Variants in SEPTIN2 observed in about 807,000 individuals in gnomAD.
The protein encoded by SEPTIN2 is septin 2.
Under a neutral mutation model 46.5 loss-of-function variants are expected in SEPTIN2, and 34 were observed. The observed-to-expected ratio is 0.73, with a 90% CI of 0.56 to 0.97. The LOEUF is 0.97. Among genes scored for constraint, SEPTIN2 ranks in the 50% least tolerant of loss-of-function variants. The pLI is 0.00. For missense variants in SEPTIN2, 347 were observed against 448.4 expected, an observed-to-expected ratio of 0.77 and a Z score of 2.04; for synonymous variants, 175 against 153.4, an observed-to-expected ratio of 1.14 and a Z score of -1.04.
chr2:241,323,960 G>T (rs1458201777), intron 1 of SEPTIN2, among the ~76,000 whole-genome samples: 1 of 152,192 alleles, frequency 6.6e-6, no homozygotes, highest in Non-Finnish European at 1.5e-5. Context: ...AGAATAGGGG[G>T]TCTGGTTAAT....
At chr2:241,340,261 G>A (rs1213800406) in intron 7 of SEPTIN2, among the ~76,000 whole-genome samples, 1 of 152,204 alleles carries the variant, frequency 6.6e-6, no homozygotes, top group African/African-American at 2.4e-5. Context: ...ATCTGTGCTG[G>A]TGTTGATGCC....
intron 4 of SEPTIN2, 69 bp from the exon 5 acceptor site, chr2:241,335,906 G>T: frequency 6.2e-7 from 1 of 1,608,020 alleles, no homozygotes; most frequent in Non-Finnish European, 8.5e-7. Flanking sequence ...GAAGTCACCT[G>T]TCGTAAGAAC....
chr2:241,324,258 TG>T lies in SEPTIN2; in HGVS notation c.9+18del. On this transcript the variant is annotated intron_variant, in intron 2 of 12. Transcript: ENST00000391971. ...ATGTCTAAGGTAAGATCATACTTCA[TG>T]TATCTACAGCATAAGGAGAAATTGC... 6.2e-7 allele frequency: 1 copy of T among 1,605,156 alleles called. No individual in the cohort carries two copies.
intron 3 of SEPTIN2, among the ~76,000 whole-genome samples, chr2:241,329,575 C>G (rs906488502): frequency 9.2e-5 from 14 of 152,160 alleles, no homozygotes; most frequent in African/African-American, 3.4e-4. Context: ...AACATAAATT[C>G]AGTTTCCTCA....
At chr2:241,332,092 A>G (rs1306352190) in intron 3 of SEPTIN2, among the ~76,000 whole-genome samples, 1 of 152,254 alleles carries the variant, frequency 6.6e-6, no homozygotes, top group East Asian at 1.9e-4. Context: ...TTAAATGTAA[A>G]GCTATAAAAA....
In SEPTIN2 at chr2:241,325,963, T is replaced by C. The variant is rs367720265; in HGVS notation, c.10-30T>C. The C allele has an allele frequency of 1.1e-5, 17 of 1,595,110 alleles. No homozygotes were observed. The East Asian group carries it at 3.6e-4, about 34-fold the overall frequency. ...TTAAAAGCAACTACTAAGGTGTTTA[T>C]TAGTTTGTTTGTTTTTTAATCTTAT... On this transcript the variant is annotated intron_variant, in intron 2 of 12. Coordinates refer to ENST00000391971, the MANE Select transcript of SEPTIN2 (RefSeq NM_004404.5).
intron 3 of SEPTIN2, among the ~76,000 whole-genome samples, chr2:241,334,527 G>C (rs375122030): frequency 5.3e-5 from 8 of 152,304 alleles, no homozygotes; most frequent in African/African-American, 1.4e-4. Flanking sequence ...GAGCGGGAAA[G>C]TTGCCCGACA....
In SEPTIN2 at chr2:241,316,800, C is replaced by T. The variant is rs2076372126; in HGVS notation, c.-18+818C>T. ...TACACTGAACTTCTTGTAGTTCAAACTTCTGCACCTTTGGCCATTGCCCAA... is the reference window on the plus strand; with the variant it reads ...TACACTGAACTTCTTGTAGTTCAAATTTCTGCACCTTTGGCCATTGCCCAA... On this transcript the variant is annotated intron_variant, in intron 1 of 12. Coordinates refer to ENST00000391971, the MANE Select transcript of SEPTIN2 (RefSeq NM_004404.5). 4 of 374,382 alleles carry T rather than the reference C, an allele frequency of 1.1e-5. No individual in the cohort carries two copies. In the South Asian group the frequency reaches 2.5e-4, roughly 23 times the overall value. The allele number at this position is 374,382 out of a possible 1,614,324, so 23.2% of individuals were successfully genotyped here. A position where few individuals can be genotyped will look rare whatever the true frequency, so the allele number is the denominator to read the frequency against.
At chr2:241,337,886 G>T (rs979291636) in intron 7 of SEPTIN2, 96 bp downstream of exon 7, 3 of 768,380 alleles carry the variant, frequency 3.9e-6, no homozygotes, top group Admixed American at 2.6e-5. Context: ...CTGCTCAGGT[G>T]TCGGGAGGCA....
intron 7 of SEPTIN2, among the ~76,000 whole-genome samples, chr2:241,342,534 ATTTTTTT>A (rs548033372): frequency 4.6e-5 from 4 of 86,986 alleles, no homozygotes; most frequent in Non-Finnish European, 8.6e-5. Context: ...AGTTTTGTAA[ATTTTTTT>A]TTTTTTTTTT....
intron 7 of SEPTIN2, among the ~76,000 whole-genome samples, chr2:241,338,800 TACA>T (rs2150085791): frequency 9.0e-6 from 1 of 111,460 alleles, no homozygotes; most frequent in East Asian, 2.1e-4. Context: ...TTATATATAA[TACA>T]TATTATATTT....
chr2:241,337,622 G>GT, intron 6 of SEPTIN2, 51 bp from the exon 7 acceptor site: 1 of 1,583,368 alleles, frequency 6.3e-7, no homozygotes. Flanking sequence ...AGAGAGAAGA[G>GT]TTTTGTATGT....
intron 3 of SEPTIN2, among the ~76,000 whole-genome samples, chr2:241,334,038 T>C (rs1365514700): frequency 6.6e-6 from 1 of 151,904 alleles, no homozygotes; most frequent in Non-Finnish European, 1.5e-5. Context: ...TTTTTTTTAC[T>C]TTGTTTTGGT....
intron 4 of SEPTIN2, 181 bp downstream of exon 4, chr2:241,335,393 C>T (rs1314382064): frequency 1.3e-6 from 2 of 1,533,586 alleles, no homozygotes; most frequent in Admixed American, 3.9e-5. Flanking sequence ...GGGTTGTAGA[C>T]TTTCTTTGAC....
At chr2:241,324,679 C>G (rs2077659858) in intron 2 of SEPTIN2, 2 of 227,446 alleles carry the variant, frequency 8.8e-6, no homozygotes, top group South Asian at 4.8e-5. Flanking sequence ...GCCACCGTGC[C>G]TGGCCTAATT....
chr2:241,324,423 C>G, intron 2 of SEPTIN2, 182 bp downstream of exon 2: 1 of 540,062 alleles, frequency 1.9e-6, no homozygotes, highest in Non-Finnish European at 3.3e-6. Context: ...GAGTCTTGTT[C>G]TGTCACCAGG....
intron 1 of SEPTIN2, chr2:241,316,254 C>G (rs949952381): frequency 2.5e-6 from 1 of 400,534 alleles, no homozygotes; most frequent in African/African-American, 2.1e-5. Context: ...CCTTGTTGAC[C>G]CTGCGGGAAT....
intron 3 of SEPTIN2, among the ~76,000 whole-genome samples, chr2:241,329,623 C>G (rs568585342): frequency 6.6e-6 from 1 of 152,176 alleles, no homozygotes; most frequent in African/African-American, 2.4e-5. Context: ...AGGGTACACT[C>G]GCCAGCAGTT....
chr2:241,342,919 A>G, intron 7 of SEPTIN2, 73 bp from the exon 8 acceptor site: 2 of 725,092 alleles, frequency 2.8e-6, no homozygotes, highest in Non-Finnish European at 4.8e-6. Flanking sequence ...TATTTCTTAC[A>G]AGATGAGCTA....
Sources: allele counts gnomAD v4.1 joint callset (sites outside exome capture counted in the v4.1 genomes callset), GRCh38; gene constraint gnomAD v4.1.1; transcripts MANE v1.5; gene names NCBI Gene and HGNC (gene_info 2026-07-23, HGNC 2026-07-21).